P2RY8: variants seen among roughly 807,000 people sequenced by gnomAD.
P2RY8 encodes the protein S-geranylgeranyl-glutathione receptor P2RY8.
A neutral mutation model predicts 10.0 loss-of-function variants in P2RY8; 6 were observed. That is an observed-to-expected ratio of 0.60 (90% CI 0.33 to 1.19). The LOEUF is 1.19. Ranked by LOEUF, P2RY8 falls within the 50% of genes most tolerant of loss-of-function variation. P2RY8 has a pLI of 0.04. For missense variants in P2RY8, 456 were observed against 542.0 expected (o/e 0.84, Z 1.58); for synonymous variants, 276 against 252.5 (o/e 1.09, Z -0.88).
intron 1 of P2RY8, among the ~76,000 whole-genome samples, chrX:1,522,230 C>T (rs1279493363): frequency 6.6e-6 from 1 of 151,576 alleles, no homozygotes. Flanking sequence ...GCTGGGATGA[C>T]AGGCGTGAGC....
Position 1,535,664 on chromosome X carries a change from C to T in P2RY8, c.-25+1257G>A, listed in dbSNP as rs148347772. Reference sequence around the variant, plus strand: ...CGCTTCAGACTTCTCATCCACGTTACGTAAAGATAACAACATGGGAAGAAA... The same window carrying T: ...CGCTTCAGACTTCTCATCCACGTTATGTAAAGATAACAACATGGGAAGAAA... On this transcript the variant is annotated intron_variant, in intron 1 of 1. Coordinates refer to ENST00000381297, the MANE Select transcript of P2RY8 (RefSeq NM_178129.5). 3.1e-3 allele frequency among the ~76,000 whole-genome samples: 465 copies of T among 150,540 alleles called. 1 individual carries two copies. The highest frequency in any genetic ancestry group is 0.011 in the African/African-American group (450 of 41,004).
intron 1 of P2RY8, among the ~76,000 whole-genome samples, chrX:1,524,774 C>T (rs2092426805): frequency 9.6e-6 from 1 of 103,712 alleles, no homozygotes; most frequent in South Asian, 2.8e-4. Context: ...TCCATCCATC[C>T]ATCCATCCAC....
At chrX:1,488,887 G>A (rs1207753958) in intron 1 of P2RY8, among the ~76,000 whole-genome samples, 3 of 152,124 alleles carry the variant, frequency 2.0e-5, no homozygotes, top group African/African-American at 7.2e-5. Flanking sequence ...TTATGCAAAT[G>A]TGGAGGGAAT....
chrX:1,492,486 G>T (rs746912204), intron 1 of P2RY8, among the ~76,000 whole-genome samples: 52 of 152,204 alleles, frequency 3.4e-4, no homozygotes, highest in African/African-American at 1.2e-3. Flanking sequence ...TTCCTCCAGT[G>T]ATTCCACACC....
rs1382755800 is a variant in P2RY8 at position 1,466,081 on chromosome X, G to A, written c.478C>T (p.Arg160Cys). Reference protein sequence around the residue: ...LLLTALSPLARTDLTYPVHAL... With the variant: ...LLLTALSPLACTDLTYPVHAL... Reference sequence around the variant, plus strand: ...TGCACCGGGTAGGTGAGATCGGTGCGCGCCAGCGGGGACAGGGCGGTCAGG... The same window carrying A: ...TGCACCGGGTAGGTGAGATCGGTGCACGCCAGCGGGGACAGGGCGGTCAGG... The change falls in exon 2 of 2, where the codon CGC becomes TGC. Residue 160 changes from arginine to cysteine, a missense_variant. Physicochemically the swap from Arg to Cys is radical, Grantham distance 180. Coordinates refer to ENST00000381297, the MANE Select transcript of P2RY8 (RefSeq NM_178129.5). The A allele has an allele frequency of 1.2e-6, 2 of 1,611,656 alleles. No individual in the cohort carries two copies. Among genetic ancestry groups the A allele is most frequent in the East Asian group, 4.5e-5 (2 of 44,874 alleles).
At chrX:1,493,458 AGGG>A (rs2092085735) in intron 1 of P2RY8, among the ~76,000 whole-genome samples, 2 of 106,982 alleles carry the variant, frequency 1.9e-5, no homozygotes, top group Non-Finnish European at 3.8e-5. Context: ...AGGAGGAAGG[AGGG>A]AGGAGGGAGG....
intron 1 of P2RY8, among the ~76,000 whole-genome samples, chrX:1,506,048 A>C (rs759571985): frequency 8.2e-5 from 11 of 133,804 alleles, no homozygotes; most frequent in Non-Finnish European, 1.4e-4. Flanking sequence ...GCTGGAGTGC[A>C]GTGGCACAGT....
At chrX:1,484,448 C>T (rs762227882) in intron 1 of P2RY8, among the ~76,000 whole-genome samples, 12 of 152,138 alleles carry the variant, frequency 7.9e-5, no homozygotes, top group South Asian at 4.1e-4. Flanking sequence ...CATTACAGGC[C>T]GGGCGCGGTG....
At chrX:1,471,309 A>ATTTTTTTTTTTTTT (rs1159260456) in intron 1 of P2RY8, among the ~76,000 whole-genome samples, 1 of 100,026 alleles carries the variant, frequency 1.0e-5, no homozygotes, top group Non-Finnish European at 1.9e-5. Context: ...CGCCCAGCCC[A>ATTTTTTTTTTTTTT]TTTTTTTTTT....
chrX:1,509,211 CTAGCCATCCA>C (rs2092270926), intron 1 of P2RY8, among the ~76,000 whole-genome samples: 4 of 142,226 alleles, frequency 2.8e-5, no homozygotes, highest in African/African-American at 8.0e-5. Context: ...ATCTACCTAT[CTAGCCATCCA>C]TCTATTTATC....
chrX:1,484,438 C>T (rs1345407770), intron 1 of P2RY8, among the ~76,000 whole-genome samples: 1 of 151,542 alleles, frequency 6.6e-6, no homozygotes, highest in African/African-American at 2.4e-5. Flanking sequence ...AAGAAATTAA[C>T]ATTACAGGCC....
At chrX:1,534,726 G>A (rs1271690073) in intron 1 of P2RY8, among the ~76,000 whole-genome samples, 1 of 152,126 alleles carries the variant, frequency 6.6e-6, no homozygotes, top group African/African-American at 2.4e-5. Context: ...CATCTGCCCG[G>A]GGAAAGGGCC....
At chrX:1,509,002 T>TCATCCATCCATCCATCCATCCATC (rs776849927) in intron 1 of P2RY8, among the ~76,000 whole-genome samples, 5 of 116,506 alleles carry the variant, frequency 4.3e-5, no homozygotes, top group South Asian at 2.8e-4. Flanking sequence ...CTGTATGTGT[T>TCATCCATCCATCCATCCATCCATC]CATCCATCCA....
At chrX:1,496,128 A>G (rs2092114632) in intron 1 of P2RY8, among the ~76,000 whole-genome samples, 2 of 152,202 alleles carry the variant, frequency 1.3e-5, no homozygotes, top group South Asian at 4.1e-4. Flanking sequence ...ACTCTGAAGC[A>G]GTTGGGAGAA....
chrX:1,507,603 C>T (rs1216992619), intron 1 of P2RY8, among the ~76,000 whole-genome samples: 3 of 152,120 alleles, frequency 2.0e-5, no homozygotes, highest in African/African-American at 7.2e-5. Flanking sequence ...GGCTCGGGGC[C>T]GTGACGGCAC....
intron 1 of P2RY8, among the ~76,000 whole-genome samples, chrX:1,511,376 G>A (rs776687720): frequency 6.6e-6 from 1 of 152,214 alleles, no homozygotes; most frequent in East Asian, 1.9e-4. Context: ...ATACAAGTAT[G>A]CTTGGTCATC....
intron 1 of P2RY8, among the ~76,000 whole-genome samples, chrX:1,504,999 G>C (rs1238536271): frequency 6.6e-6 from 1 of 151,860 alleles, no homozygotes; most frequent in Admixed American, 6.6e-5. Context: ...TTAGCCGGGC[G>C]TGGTGGCAGG....
At chrX:1,499,998 A>T (rs2092159650) in intron 1 of P2RY8, among the ~76,000 whole-genome samples, 3 of 100,034 alleles carry the variant, frequency 3.0e-5, no homozygotes, top group Non-Finnish European at 7.7e-5. Context: ...AGCTGGGACT[A>T]CAGGCGTGTA....
intron 1 of P2RY8, among the ~76,000 whole-genome samples, chrX:1,528,736 G>A (rs377527196): frequency 4.0e-5 from 6 of 151,694 alleles, no homozygotes; most frequent in Non-Finnish European, 8.8e-5. Context: ...TTGAATTCGT[G>A]TAGGTTTGAG....
Sources: gnomAD v4.1 joint callset for allele counts (sites outside exome capture counted in the v4.1 genomes callset) on GRCh38, gnomAD v4.1.1 for gene constraint, MANE v1.5 for transcripts, NCBI Gene and HGNC (gene_info 2026-07-23, HGNC 2026-07-21) for gene names.